Variants in WDR20 observed in about 807,000 individuals in gnomAD.
WDR20 encodes WD repeat-containing protein 20.
A neutral mutation model predicts 38.7 loss-of-function variants in WDR20; 3 were observed. The ratio of observed to expected loss-of-function variants is 0.08; its 90% CI spans 0.04 to 0.20. The LOEUF is 0.20. Ranked by LOEUF, WDR20 falls within the 10% of genes least tolerant of loss-of-function variation. The probability of loss-of-function intolerance (pLI) is 1.00; values close to 1 mark genes in which losing one functional copy is unlikely to be tolerated. For synonymous variants in WDR20, 298 were observed against 285.6 expected, an observed-to-expected ratio of 1.04 and a Z score of -0.44; for missense variants, 559 against 727.7, an observed-to-expected ratio of 0.77 and a Z score of 2.67.
intron 1 of WDR20, among the ~76,000 whole-genome samples, chr14:102,182,849 T>C (rs888426958): frequency 1.3e-5 from 2 of 152,100 alleles, no homozygotes; most frequent in Non-Finnish European, 2.9e-5. Context: ...TAAATAAATA[T>C]ATGGCCCAAA....
At chr14:102,168,385 GC>G (rs1197310299) in intron 1 of WDR20, among the ~76,000 whole-genome samples, 7 of 152,058 alleles carry the variant, frequency 4.6e-5, no homozygotes, top group Non-Finnish European at 7.4e-5. Flanking sequence ...ATATCCCACA[GC>G]TGTTAGTAAT....
At chr14:102,188,261 G>A (rs1017087871) in intron 1 of WDR20, among the ~76,000 whole-genome samples, 4 of 152,188 alleles carry the variant, frequency 2.6e-5, no homozygotes, top group Admixed American at 1.3e-4. Context: ...GCTGTTGCCT[G>A]TGATGCCACA....
At chr14:102,206,913 A>G (rs1336352048) in intron 2 of WDR20, among the ~76,000 whole-genome samples, 1 of 152,138 alleles carries the variant, frequency 6.6e-6, no homozygotes, top group Non-Finnish European at 1.5e-5. Context: ...TGGCCATGTA[A>G]ATTATCTCTG....
At chr14:102,185,815 A>C (rs1246588299) in intron 1 of WDR20, among the ~76,000 whole-genome samples, 1 of 66,068 alleles carries the variant, frequency 1.5e-5, no homozygotes, top group Non-Finnish European at 2.6e-5. Context: ...ACTCCATCTC[A>C]AAAAAAAAAA....
Position 102,139,905 on chromosome 14 carries a change from A to G in WDR20, c.-19A>G, listed in dbSNP as rs376293169. On this transcript the variant is annotated 5_prime_UTR_variant, in exon 1 of 3. It removes an upstream start codon present in the reference 5' UTR. Transcript: ENST00000342702. Reference sequence around the variant, plus strand: ...GCGTGATCCGGGCACTTAGGGCAGGATGAACGCTGCTTTCCAAGATGGCGA... The same window carrying G: ...GCGTGATCCGGGCACTTAGGGCAGGGTGAACGCTGCTTTCCAAGATGGCGA... 6.2e-7 allele frequency: 1 copy of G among 1,610,816 alleles called. No homozygotes were observed. Among genetic ancestry groups the G allele is most frequent in the Non-Finnish European group, 8.5e-7 (1 of 1,177,290 alleles).
At chr14:102,199,202 T>G (rs780756875) in intron 2 of WDR20, among the ~76,000 whole-genome samples, 6 of 151,712 alleles carry the variant, frequency 4.0e-5, no homozygotes, top group Non-Finnish European at 8.8e-5. Context: ...ACTTTCTGCT[T>G]GCAGGATGAT....
intron 2 of WDR20, among the ~76,000 whole-genome samples, chr14:102,200,468 TGTGTGTGTGTGTGTGTGTG>T (rs567501090): frequency 4.4e-4 from 19 of 43,110 alleles, no homozygotes; most frequent in African/African-American, 1.6e-3. Flanking sequence ...TTTTTTTTTT[TGTGTGTGTGTGTGTGTGTG>T]TGTGTGTGTG....
intron 1 of WDR20, among the ~76,000 whole-genome samples, chr14:102,187,417 G>T (rs72698546): frequency 0.046 from 7,062 of 152,086 alleles, 230 homozygotes; most frequent in Non-Finnish European, 0.073. Flanking sequence ...GCTGGGGGGG[G>T]GCTCAGGAGG....
intron 2 of WDR20, among the ~76,000 whole-genome samples, chr14:102,206,456 G>GT (rs1400809196): frequency 6.6e-6 from 1 of 152,140 alleles, no homozygotes; most frequent in South Asian, 2.1e-4. Flanking sequence ...TTTTTGTTGT[G>GT]TTTTTTAAGG....
chr14:102,161,353 A>C (rs2058712210), intron 1 of WDR20, among the ~76,000 whole-genome samples: 1 of 146,178 alleles, frequency 6.8e-6, no homozygotes, highest in Non-Finnish European at 1.5e-5. Flanking sequence ...TCTCTCTGTC[A>C]CCCAGGCTGG....
intron 1 of WDR20, among the ~76,000 whole-genome samples, chr14:102,185,928 T>C (rs2064586799): frequency 6.6e-6 from 1 of 152,226 alleles, no homozygotes; most frequent in Admixed American, 6.5e-5. Context: ...GTTTCCTTTC[T>C]GTGACAGATA....
chr14:102,211,706 A>G (rs1480104684), downstream of WDR20, among the ~76,000 whole-genome samples: 1 of 152,168 alleles, frequency 6.6e-6, no homozygotes, highest in South Asian at 2.1e-4. The surrounding 1 kb of genome is among the most constrained non-coding windows in gnomAD (Gnocchi z 4.2). Context: ...TTGGAGGCCA[A>G]ATTGGGTCAT....
chr14:102,163,390 G>T (rs972946279), intron 1 of WDR20, among the ~76,000 whole-genome samples: 3 of 152,038 alleles, frequency 2.0e-5, no homozygotes, highest in African/African-American at 7.3e-5. Context: ...CACTTTGTGA[G>T]GCCGAGGCGG....
upstream of WDR20, chr14:102,139,623 T>G (rs375429292): frequency 3.1e-6 from 2 of 643,890 alleles, no homozygotes; most frequent in African/African-American, 3.7e-5. Flanking sequence ...AACGGTCAAC[T>G]AGACCCCACT....
At chr14:102,215,155 G>A (rs529566123), downstream of WDR20, 1 of 241,960 alleles carries the variant, frequency 4.1e-6, no homozygotes, top group African/African-American at 2.3e-5. Flanking sequence ...TCTTACTAAA[G>A]CTGACTGTTT....
chr14:102,175,511 CTT>C (rs1481934831), intron 1 of WDR20, among the ~76,000 whole-genome samples: 3 of 151,802 alleles, frequency 2.0e-5, no homozygotes, highest in Admixed American at 6.6e-5. Context: ...TTCTTTTTTG[CTT>C]TGTCTTGCTT....
At chr14:102,184,940 T>C (rs2064259118) in intron 1 of WDR20, among the ~76,000 whole-genome samples, 1 of 151,938 alleles carries the variant, frequency 6.6e-6, no homozygotes, top group African/African-American at 2.4e-5. Flanking sequence ...TGGTCTTTAG[T>C]GAAGGGGATG....
intron 1 of WDR20, among the ~76,000 whole-genome samples, chr14:102,166,136 A>T (rs2059738077): frequency 1.8e-5 from 2 of 110,700 alleles, no homozygotes; most frequent in Admixed American, 2.5e-4. Flanking sequence ...CCCAGATTGG[A>T]CTATAGGCGT....
intron 1 of WDR20, among the ~76,000 whole-genome samples, chr14:102,179,414 C>CT (rs1036826507): frequency 2.8e-5 from 4 of 140,646 alleles, no homozygotes; most frequent in Admixed American, 1.5e-4. Flanking sequence ...GAACTTCTAA[C>CT]TTTTTTTTAA....
Sources: gnomAD v4.1 joint callset for allele counts (sites outside exome capture counted in the v4.1 genomes callset) on GRCh38, gnomAD v4.1.1 for gene constraint, Gnocchi (gnomAD v3.1) non-coding constraint, MANE v1.5 for transcripts, NCBI Gene and HGNC (gene_info 2026-07-23, HGNC 2026-07-21) for gene names.